GGA1: variants seen among roughly 807,000 people sequenced by gnomAD.
GGA1 encodes the protein ADP-ribosylation factor-binding protein GGA1.
GGA1 carries 18 observed loss-of-function variants against 76.9 expected under a neutral mutation model. That is an observed-to-expected ratio of 0.23 (90% CI 0.16 to 0.35). The LOEUF (loss-of-function observed/expected upper bound fraction) is 0.35, where lower values mean the gene tolerates loss of function less well. Among genes scored for constraint, GGA1 ranks in the 10% least tolerant of loss-of-function variants. The pLI is 1.00. For missense variants in GGA1, 755 were observed against 859.0 expected, an observed-to-expected ratio of 0.88 and a Z score of 1.51; for synonymous variants, 342 against 354.7, an observed-to-expected ratio of 0.96 and a Z score of 0.40.
rs1421471024 is a variant in GGA1, at chr22:37,632,314, C to T, written c.1699-91C>T. On this transcript the variant is annotated intron_variant, in intron 15 of 16. Transcript: ENST00000343632. The surrounding 1 kb of genome is among the most constrained non-coding windows in gnomAD (Gnocchi z 5.1). The stretch of plus-strand genomic sequence containing the variant: ...GACCAGAAGGACTGAGCCCCAGGAT[C>T]CCCGGAGGGGAGCTGGCAGGCTGGG... The T allele has an allele frequency of 6.9e-6, 9 of 1,309,674 alleles. No homozygotes were observed. The Admixed American group carries it at 7.0e-5, about 10-fold the overall frequency. 81.1% of individuals were successfully genotyped at this position (1,309,674 alleles called of 1,614,324 possible).
intron 4 of GGA1, chr22:37,619,758 C>T (rs775814544): frequency 5.1e-6 from 4 of 776,948 alleles, no homozygotes; most frequent in South Asian, 4.1e-5. Flanking sequence ...TTGACCAGAG[C>T]TACTGAATAA....
chr22:37,612,171 T>C (rs897956745), intron 1 of GGA1, among the ~76,000 whole-genome samples: 1 of 147,276 alleles, frequency 6.8e-6, no homozygotes, highest in Non-Finnish European at 1.5e-5. Context: ...AAAATAAAAA[T>C]AAAAAAATAC....
At chr22:37,621,411 C>T (rs1311749258) in intron 6 of GGA1, among the ~76,000 whole-genome samples, 2 of 152,190 alleles carry the variant, frequency 1.3e-5, no homozygotes, top group Non-Finnish European at 2.9e-5. Context: ...TTCTGCTAGG[C>T]GCTGTGGTGT....
At chr22:37,618,617 G>A (rs553358461) in intron 4 of GGA1, 71 bp downstream of exon 4, 1 of 936,620 alleles carries the variant, frequency 1.1e-6, no homozygotes, top group East Asian at 2.5e-5. Flanking sequence ...CCTTCAGATT[G>A]TGGAGCGACT....
chr22:37,618,323 C>T, intron 3 of GGA1, 125 bp from the exon 4 acceptor site: 1 of 624,662 alleles, frequency 1.6e-6, no homozygotes, highest in Non-Finnish European at 2.9e-6. Flanking sequence ...CTTCCAACCT[C>T]ACAGGCCATT....
rs753188191 is a variant in GGA1 at position 37,619,833 on chromosome 22, CA to C, written c.304-404del. The C allele has an allele frequency of 3.9e-6, 3 of 777,618 alleles. 1 individual carries two copies. Among genetic ancestry groups the C allele is most frequent in the Non-Finnish European group, 7.2e-6 (3 of 417,038 alleles). 48.2% of individuals were successfully genotyped at this position (777,618 alleles called of 1,614,324 possible). ...GCTGTGAGAGCCACTTTCCCCAGCC[CA>C]GTTTGCTGCTAGGAGACGGAGAGTA... On this transcript the variant is annotated intron_variant, in intron 4 of 16. Coordinates refer to ENST00000343632, the MANE Select transcript of GGA1 (RefSeq NM_013365.5).
At chr22:37,618,938 A>G (rs1348077036) in intron 4 of GGA1, among the ~76,000 whole-genome samples, 1 of 152,152 alleles carries the variant, frequency 6.6e-6, no homozygotes, top group Non-Finnish European at 1.5e-5. Context: ...CCCTGTCCCC[A>G]CCACACAAGA....
chr22:37,615,220 T>G (rs1417347997), intron 2 of GGA1, among the ~76,000 whole-genome samples: 1 of 151,860 alleles, frequency 6.6e-6, no homozygotes, highest in Admixed American at 6.6e-5. Context: ...CCAAGGCAGG[T>G]GGATCACCTG....
chr22:37,630,853 C>A lies in GGA1; in HGVS notation c.1332-50C>A, dbSNP rs368340203. The A allele has an allele frequency of 2.2e-6, 3 of 1,336,652 alleles. No homozygotes were observed. In the African/African-American group the frequency reaches 4.4e-5, roughly 19 times the overall value. 82.8% of individuals were successfully genotyped at this position (1,336,652 alleles called of 1,614,324 possible). A position where few individuals can be genotyped will look rare whatever the true frequency, so the allele number is the denominator to read the frequency against. On this transcript the variant is annotated intron_variant, in intron 13 of 16. Transcript: ENST00000343632. ...AAAGTGTTGGAATTACAGGGGTGAGCTACCACGCTGGCCAAGAATCACTTC... is the reference window on the plus strand; with the variant it reads ...AAAGTGTTGGAATTACAGGGGTGAGATACCACGCTGGCCAAGAATCACTTC...
chr22:37,623,893 C>A lies in GGA1; in HGVS notation c.832+260C>A. 1 of 465,340 alleles carries A rather than the reference C, an allele frequency of 2.1e-6. No homozygotes were observed. 28.8% of individuals were successfully genotyped at this position (465,340 alleles called of 1,614,324 possible). ...AGCTGCACAGGAGGCAGACCCATCC[C>A]CTTTTCACAACTGGGGCTAAGGGAG... is the stretch of plus-strand genomic sequence containing the variant. On this transcript the variant is annotated intron_variant, in intron 9 of 16. Transcript: ENST00000343632. This position sits in a 1 kb window ranked among gnomAD's most constrained non-coding sequence, Gnocchi z 4.6.
In GGA1 at chr22:37,633,415, C is replaced by T. The variant is rs778616581; in HGVS notation, c.*704C>T. On this transcript the variant is annotated 3_prime_UTR_variant, in exon 17 of 17. Transcript: ENST00000343632. ...GAGGGGCTGTGGGGCACCTAGAGTT[C>T]TCGGTGTGTCTCCTTCATTCATTGG... is the stretch of plus-strand genomic sequence containing the variant. 1.3e-5 allele frequency: 2 copies of T among 152,126 alleles called. No homozygotes were observed. The highest frequency in any genetic ancestry group is 1.9e-4 in the East Asian group (1 of 5,168). The allele number at this position is 152,126 out of a possible 1,614,324, so 9.4% of individuals were successfully genotyped here.
At chr22:37,617,433 G>T in intron 3 of GGA1, 1 of 1,045,744 alleles carries the variant, frequency 9.6e-7, no homozygotes. Flanking sequence ...CAATAGCAGA[G>T]GAGAGAGGGG....
Position 37,625,040 on chromosome 22 carries a change from G to T in GGA1, c.904G>T (p.Glu302Ter). Residue 302 changes from glutamate to a stop codon, truncating the protein, a stop_gained, in exon 10 of 17, where the codon GAG (glutamate) becomes TAG (stop). Coordinates refer to ENST00000343632, the MANE Select transcript of GGA1 (RefSeq NM_013365.5). LOFTEE classifies it high-confidence loss of function. The surrounding 1 kb of genome is among the most constrained non-coding windows in gnomAD (Gnocchi z 4.1). ...NLYKQLVRGE[E>*]VNGDATAGSI... ...GTATAAGCAGCTGGTGCGGGGTGAGGAGGTCAACGGTGATGCCACAGCCGG... is the reference window on the plus strand; with the variant it reads ...GTATAAGCAGCTGGTGCGGGGTGAGTAGGTCAACGGTGATGCCACAGCCGG... The T allele has an allele frequency of 6.2e-7, 1 of 1,600,816 alleles. No individual in the cohort carries two copies. The highest frequency in any genetic ancestry group is 8.5e-7 in the Non-Finnish European group (1 of 1,174,396).
rs1932075351 is a variant in GGA1 at position 37,632,935 on chromosome 22, C to CGCTGGGG, written c.*225_*231dup. 5.4e-6 allele frequency: 3 copies of CGCTGGGG among 560,658 alleles called. No homozygotes were observed. Among genetic ancestry groups the CGCTGGGG allele is most frequent in the Non-Finnish European group, 9.6e-6 (3 of 311,956 alleles). The allele number at this position is 560,658 out of a possible 1,614,324, so 34.7% of individuals were successfully genotyped here. ...TAGGAGGCTGGGCCTGGGTTTGTGC[C>CGCTGGGG]GCTGGGGTCTCCATCACCGGGACCT... On this transcript the variant is annotated 3_prime_UTR_variant, in exon 17 of 17. Transcript: ENST00000343632. This position sits in a 1 kb window ranked among gnomAD's most constrained non-coding sequence, Gnocchi z 5.1.
chr22:37,621,752 C>T (rs900137780), intron 7 of GGA1, 56 bp downstream of exon 7: 5 of 1,171,418 alleles, frequency 4.3e-6, no homozygotes, highest in Non-Finnish European at 6.2e-6. Context: ...TTGAGCTGGG[C>T]CACTGAGATG....
chr22:37,611,099 T>C (rs938094826), intron 1 of GGA1, among the ~76,000 whole-genome samples: 2 of 152,182 alleles, frequency 1.3e-5, no homozygotes, highest in East Asian at 3.9e-4. Flanking sequence ...TCTCTAACTT[T>C]AGACTGATGT....
intron 2 of GGA1, among the ~76,000 whole-genome samples, chr22:37,616,222 C>T (rs1437511553): frequency 1.3e-5 from 2 of 152,156 alleles, no homozygotes; most frequent in Admixed American, 6.5e-5. Context: ...GCTTTGGAGT[C>T]GTGCTGCTTG....
At chr22:37,626,002 T>C (rs1179276717) in intron 11 of GGA1, 53 bp downstream of exon 11, 1 of 1,457,556 alleles carries the variant, frequency 6.9e-7, no homozygotes, top group Non-Finnish European at 9.3e-7. Context: ...AGATGGGGCA[T>C]GATCCCAGGG....
At chr22:37,620,434 G>A (rs912038680) in intron 5 of GGA1, 73 bp downstream of exon 5, 14 of 1,511,214 alleles carry the variant, frequency 9.3e-6, no homozygotes, top group Middle Eastern at 1.8e-4. Flanking sequence ...GGGCTCCAGC[G>A]GCTTCAGGGG....
Sources: allele counts gnomAD v4.1 joint callset (sites outside exome capture counted in the v4.1 genomes callset), GRCh38; gene constraint gnomAD v4.1.1; non-coding constraint Gnocchi (gnomAD v3.1); transcripts MANE v1.5; gene names NCBI Gene and HGNC (gene_info 2026-07-23, HGNC 2026-07-21).